The following RGPD1 variants were observed in gnomAD, a reference collection of about 807,000 sequenced individuals.
RGPD1 encodes the protein RANBP2-like and GRIP domain-containing protein 1.
RGPD1 carries 7 observed loss-of-function variants against 40.6 expected under a neutral mutation model. The ratio of observed to expected loss-of-function variants is 0.17; its 90% CI spans 0.10 to 0.32. RGPD1 has a LOEUF of 0.32. RGPD1 is among the 10% of genes least tolerant of loss of function. RGPD1 has a pLI of 1.00. For synonymous variants in RGPD1, 24 were observed against 167.0 expected (o/e 0.14, Z 6.60); for missense variants, 50 against 472.5 (o/e 0.11, Z 8.29).
chr2:86,933,365 AG>A (rs1558792475), intron 1 of RGPD1, among the ~76,000 whole-genome samples: 1 of 150,772 alleles, frequency 6.6e-6, no homozygotes, highest in African/African-American at 2.4e-5. Context: ...AATTAAATAT[AG>A]TCTTTAGAAA....
intron 1 of RGPD1, among the ~76,000 whole-genome samples, chr2:86,944,488 C>T (rs1314796765): frequency 4.6e-5 from 7 of 151,820 alleles, no homozygotes; most frequent in South Asian, 2.1e-4. Flanking sequence ...CTGCAACTTC[C>T]GCCTCCCCAG....
rs531195071 is a variant in RGPD1, at chr2:87,010,965, G to A, written c.5237-1548G>A. On this transcript the variant is annotated intron_variant, in intron 22 of 22. Coordinates refer to ENST00000641458, the MANE Select transcript of RGPD1 (RefSeq NM_001382344.1). ...TCTGAGCAAAGTTTTGCTCCTTTCC[G>A]AGAGGTGAACACGTTACGCAATTAT... 6.9e-5 allele frequency among the ~76,000 whole-genome samples: 6 copies of A among 87,482 alleles called. No individual in the cohort carries two copies. In the East Asian group the frequency reaches 1.0e-3, roughly 15 times the overall value. 57.4% of individuals were successfully genotyped at this position (87,482 alleles called of 152,430 possible).
chr2:86,941,992 G>A (rs553994112), upstream of RGPD1, among the ~76,000 whole-genome samples: 454 of 152,022 alleles, frequency 3.0e-3, 3 homozygotes, highest in Middle Eastern at 0.017. Flanking sequence ...GATTACAGGC[G>A]TGAGCCACGG....
intron 1 of RGPD1, among the ~76,000 whole-genome samples, chr2:86,927,623 AC>A (rs2104695796): frequency 1.1e-5 from 1 of 90,536 alleles, no homozygotes; most frequent in Admixed American, 9.7e-5. Context: ...CTGTGGGGGT[AC>A]ACAGATGAAG....
Position 86,942,963 on chromosome 2 carries a change from G to T in RGPD1, c.72+655G>T, listed in dbSNP as rs968069259. Among the ~76,000 whole-genome samples the T allele has an allele frequency of 4.2e-4, 64 of 151,898 alleles. 1 individual carries two copies. Among genetic ancestry groups the T allele is most frequent in the African/African-American group, 1.4e-3 (58 of 41,384 alleles). On this transcript the variant is annotated intron_variant, in intron 1 of 22. Transcript: ENST00000641458. Reference sequence around the variant, plus strand: ...CGGGCTTTCTGGCCCCATAGTACCCGCGCGGCCTAGTTCTCGGGGGCTTGG... The same window carrying T: ...CGGGCTTTCTGGCCCCATAGTACCCTCGCGGCCTAGTTCTCGGGGGCTTGG...
At chr2:86,924,938 G>T (rs1461693605) in intron 1 of RGPD1, among the ~76,000 whole-genome samples, 9 of 150,762 alleles carry the variant, frequency 6.0e-5, no homozygotes, top group African/African-American at 2.2e-4. Flanking sequence ...ATATTATATA[G>T]TAAGACCAGT....
At chr2:86,978,065 CTTTTTTTTT>C in intron 17 of RGPD1, 134 bp downstream of exon 17, 1 of 631,416 alleles carries the variant, frequency 1.6e-6, no homozygotes, top group Non-Finnish European at 2.4e-6. Context: ...ACATTTTGGT[CTTTTTTTTT>C]TTTTTTTTTT....
chr2:86,942,096 G>A (rs1398283232), upstream of RGPD1: 1 of 1,188,668 alleles, frequency 8.4e-7, no homozygotes, highest in Non-Finnish European at 1.2e-6. Context: ...GATACACAGT[G>A]CTGACGCAGT....
At chr2:86,914,439 C>CCTCGACCT (rs1307824988) in intron 1 of RGPD1, among the ~76,000 whole-genome samples, 1 of 7,020 alleles carries the variant, frequency 1.4e-4, no homozygotes, top group East Asian at 7.5e-3. Flanking sequence ...GCGGCGGCGG[C>CCTCGACCT]GGCGGCGGCG....
chr2:86,931,907 A>C (rs1351898747), intron 1 of RGPD1, among the ~76,000 whole-genome samples: 2 of 148,462 alleles, frequency 1.3e-5, no homozygotes, highest in Non-Finnish European at 3.0e-5. Flanking sequence ...ACATATAGAC[A>C]GAGAAGATAA....
At chr2:86,936,178 T>C (rs1165689890) in intron 1 of RGPD1, among the ~76,000 whole-genome samples, 44 of 126,176 alleles carry the variant, frequency 3.5e-4, no homozygotes, top group African/African-American at 1.2e-3. Flanking sequence ...GCTAATTTTT[T>C]TGTATTTTTA....
intron 6 of RGPD1, among the ~76,000 whole-genome samples, chr2:86,962,520 A>C (rs1359969869): frequency 1.6e-5 from 2 of 125,268 alleles, no homozygotes; most frequent in East Asian, 3.9e-4. Context: ...AAAAAAAAAA[A>C]AAAAAAAAAA....
At chr2:86,919,566 C>G (rs1385406350) in intron 1 of RGPD1, among the ~76,000 whole-genome samples, 1 of 107,876 alleles carries the variant, frequency 9.3e-6, no homozygotes, top group Non-Finnish European at 1.7e-5. Flanking sequence ...GCTCTGTTCC[C>G]TGAGCACTGC....
Position 86,942,205 on chromosome 2 carries a change from T to C in RGPD1, c.-32T>C, listed in dbSNP as rs1679836369. Reference sequence around the variant, plus strand: ...ACTGCTGCGGGGCTGAGCGCTGGTTTCACGCGTCTCGGGAGCCAGGTTGGC... The same window carrying C: ...ACTGCTGCGGGGCTGAGCGCTGGTTCCACGCGTCTCGGGAGCCAGGTTGGC... On this transcript the variant is annotated 5_prime_UTR_variant, in exon 1 of 23. Coordinates refer to ENST00000641458, the MANE Select transcript of RGPD1 (RefSeq NM_001382344.1). The C allele has an allele frequency of 6.3e-7, 1 of 1,587,072 alleles. No homozygotes were observed. The highest frequency in any genetic ancestry group is 1.8e-5 in the Admixed American group (1 of 57,108).
intron 1 of RGPD1, chr2:86,934,357 C>CA (rs575604991): frequency 0.034 from 3,245 of 96,138 alleles, 88 homozygotes; most frequent in Admixed American, 0.079. Context: ...GTCTCTGTCT[C>CA]AAAAAAAAAA....
chr2:86,941,390 CT>C (rs1163415939), upstream of RGPD1, among the ~76,000 whole-genome samples: 370 of 141,858 alleles, frequency 2.6e-3, no homozygotes, highest in Middle Eastern at 3.6e-3. Context: ...ATTCCTTTTC[CT>C]TTTTTTTTTT....
At chr2:86,962,564 A>T (rs1391999291) in intron 6 of RGPD1, among the ~76,000 whole-genome samples, 3 of 129,890 alleles carry the variant, frequency 2.3e-5, no homozygotes, top group African/African-American at 9.9e-5. Context: ...AATGATCTAT[A>T]TAGTAAAAAG....
chr2:86,942,078 T>C (rs1293791346), upstream of RGPD1, among the ~76,000 whole-genome samples: 4 of 151,366 alleles, frequency 2.6e-5, no homozygotes, highest in African/African-American at 7.3e-5. Flanking sequence ...AGCGCCGACG[T>C]CGCCAAGGAT....
At chr2:86,944,413 T>A (rs1467525167) in intron 1 of RGPD1, among the ~76,000 whole-genome samples, 4 of 151,708 alleles carry the variant, frequency 2.6e-5, no homozygotes, top group African/African-American at 7.3e-5. Flanking sequence ...TTGTGTTATT[T>A]TTTTTTTTTT....
Sources: gnomAD v4.1 joint callset for allele counts (sites outside exome capture counted in the v4.1 genomes callset) on GRCh38, gnomAD v4.1.1 for gene constraint, MANE v1.5 for transcripts, NCBI Gene and HGNC (gene_info 2026-07-23, HGNC 2026-07-21) for gene names.